Variants in ITGA2 observed in about 807,000 individuals in gnomAD.
The protein encoded by ITGA2 is integrin subunit alpha 2.
In ITGA2, 101 loss-of-function variants were observed where a neutral mutation model predicts 146.3. The ratio of observed to expected loss-of-function variants is 0.69; its 90% confidence interval spans 0.59 to 0.81. The LOEUF is 0.81. Among genes scored for constraint, ITGA2 ranks in the 40% least tolerant of loss-of-function variants. The probability of loss-of-function intolerance (pLI) is 0.00; values close to 1 mark genes in which losing one functional copy is unlikely to be tolerated. For missense variants in ITGA2, 1,281 were observed against 1,402.7 expected, an observed-to-expected ratio of 0.91 and a Z score of 1.39; for synonymous variants, 477 against 487.1, an observed-to-expected ratio of 0.98 and a Z score of 0.27.
chr5:53,048,361 A>C lies in ITGA2; in HGVS notation c.388-2A>C, dbSNP rs1326139971. 1 of 1,610,468 alleles carries C rather than the reference A, an allele frequency of 6.2e-7. No individual in the cohort carries two copies. Among genetic ancestry groups the C allele is most frequent in the Non-Finnish European group, 8.5e-7 (1 of 1,176,630 alleles). ...ATTGATTGTTTTCTCATTTCTTTGA[A>C]GACATGTGGTCCTCTGTGGGCACAG... On this transcript the variant is annotated splice_acceptor_variant, in intron 4 of 29. Coordinates refer to ENST00000296585, the MANE Select transcript of ITGA2 (RefSeq NM_002203.4). LOFTEE classifies it high-confidence loss of function.
chr5:53,053,133 T>G (rs151118248), intron 7 of ITGA2, among the ~76,000 whole-genome samples: 188 of 152,304 alleles, frequency 1.2e-3, no homozygotes, highest in African/African-American at 4.1e-3. Context: ...CTCTTCCTTA[T>G]GTCACACATC....
chr5:53,031,168 G>T (rs890558440), intron 2 of ITGA2, among the ~76,000 whole-genome samples: 1 of 152,198 alleles, frequency 6.6e-6, no homozygotes, highest in African/African-American at 2.4e-5. Context: ...TAGCAGATGT[G>T]GGAAGGACTG....
intron 17 of ITGA2, among the ~76,000 whole-genome samples, chr5:53,070,839 C>T (rs1444675113): frequency 6.6e-6 from 1 of 151,848 alleles, no homozygotes; most frequent in Non-Finnish European, 1.5e-5. Context: ...AATATTTCCA[C>T]CTTGGAAACC....
At chr5:53,047,374 G>A (rs903250636) in intron 4 of ITGA2, among the ~76,000 whole-genome samples, 5 of 152,098 alleles carry the variant, frequency 3.3e-5, no homozygotes, top group Non-Finnish European at 7.3e-5. Flanking sequence ...ATTTAATCAT[G>A]ATTTAATCAG....
At chr5:53,057,940 G>A (rs1028510934) in intron 9 of ITGA2, 85 bp from the exon 10 acceptor site, 3 of 883,954 alleles carry the variant, frequency 3.4e-6, no homozygotes, top group Admixed American at 1.7e-5. Context: ...TTGTAGGCAT[G>A]TGTGTACATA....
intron 1 of ITGA2, among the ~76,000 whole-genome samples, chr5:53,000,654 G>T (rs462383): frequency 0.78 from 118,955 of 151,872 alleles, 47,243 homozygotes; most frequent in Non-Finnish European, 0.86. Flanking sequence ...ATTATATTTC[G>T]CAGTTTATGA....
chr5:53,017,996 G>A (rs1742479236), intron 1 of ITGA2, among the ~76,000 whole-genome samples: 1 of 152,050 alleles, frequency 6.6e-6, no homozygotes, highest in Admixed American at 6.5e-5. Context: ...TGATGGCCAG[G>A]CATGGTCTGT....
chr5:53,062,576 T>G (rs559319932), intron 12 of ITGA2, among the ~76,000 whole-genome samples: 1 of 151,990 alleles, frequency 6.6e-6, no homozygotes, highest in South Asian at 2.1e-4. Context: ...TTCTTGGAGA[T>G]TCTTGTGCAC....
intron 20 of ITGA2, 100 bp downstream of exon 20, chr5:53,073,359 C>A: frequency 7.8e-7 from 1 of 1,275,620 alleles, no homozygotes; most frequent in Non-Finnish European, 1.1e-6. Flanking sequence ...CACCTTAACC[C>A]TCAACATGAT....
intron 28 of ITGA2, chr5:53,089,192 A>G (rs1344444620): frequency 2.0e-5 from 3 of 152,294 alleles, no homozygotes; most frequent in Admixed American, 6.5e-5. Flanking sequence ...CATCAAGTAA[A>G]TAAAACACAT....
intron 1 of ITGA2, chr5:52,990,040 A>T: frequency 5.7e-6 from 1 of 175,222 alleles, no homozygotes; most frequent in Non-Finnish European, 1.2e-5. Context: ...GCGAGCCCCA[A>T]AATGCTTATT....
At chr5:53,075,864 C>T (rs1243219802) in intron 23 of ITGA2, among the ~76,000 whole-genome samples, 1 of 150,636 alleles carries the variant, frequency 6.6e-6, no homozygotes, top group Non-Finnish European at 1.5e-5. Context: ...TTCTTCCAGC[C>T]AGGTGGAAAT....
intron 2 of ITGA2, among the ~76,000 whole-genome samples, chr5:53,029,399 G>T (rs1466339518): frequency 6.6e-6 from 1 of 152,148 alleles, no homozygotes; most frequent in African/African-American, 2.4e-5. Flanking sequence ...TATGCTCCAA[G>T]AACTAAGTCT....
At chr5:53,078,974 G>T in intron 24 of ITGA2, 100 bp downstream of exon 24, 1 of 750,748 alleles carries the variant, frequency 1.3e-6, no homozygotes, top group Non-Finnish European at 2.3e-6. Context: ...AATTGAAAGA[G>T]ATCCGTGGTT....
chr5:53,028,044 G>T (rs2111822049), intron 2 of ITGA2, among the ~76,000 whole-genome samples: 1 of 152,104 alleles, frequency 6.6e-6, no homozygotes, highest in East Asian at 1.9e-4. Context: ...TGGCACCGCT[G>T]CACTCCAGCC....
Position 53,051,483 on chromosome 5 carries a change from A to G in ITGA2, c.703A>G (p.Met235Val). 6.2e-7 allele frequency: 1 copy of G among 1,613,668 alleles called. No homozygotes were observed. The highest frequency in any genetic ancestry group is 8.5e-7 in the Non-Finnish European group (1 of 1,179,680). ...GAACACATATAAAACCAAAGAAGAA[A>G]TGATTGTAGCAACATCCCAGACATC... ...NLNTYKTKEE[M>V]IVATSQTSQY... The change falls in exon 7 of 30, where the codon ATG becomes GTG. Residue 235 changes from methionine to valine, a missense_variant. Transcript: ENST00000296585.
At chr5:52,990,519 G>A (rs1454384233) in intron 1 of ITGA2, among the ~76,000 whole-genome samples, 1 of 151,090 alleles carries the variant, frequency 6.6e-6, no homozygotes, top group Non-Finnish European at 1.5e-5. Context: ...TTTGAACAGC[G>A]ATCAAAACAA....
chr5:53,075,448 C>A, intron 23 of ITGA2, 144 bp downstream of exon 23: 1 of 736,492 alleles, frequency 1.4e-6, no homozygotes, highest in South Asian at 1.5e-5. Flanking sequence ...AAACAGGAGT[C>A]CACAGACATA....
chr5:53,082,651 T>C (rs1370937096), intron 26 of ITGA2, among the ~76,000 whole-genome samples: 1 of 152,188 alleles, frequency 6.6e-6, no homozygotes, highest in Non-Finnish European at 1.5e-5. Context: ...TTTGCCACAA[T>C]CGATGAAACT....
Sources: allele counts gnomAD v4.1 joint callset (sites outside exome capture counted in the v4.1 genomes callset), GRCh38; gene constraint gnomAD v4.1.1; transcripts MANE v1.5; gene names NCBI Gene and HGNC (gene_info 2026-07-23, HGNC 2026-07-21).